The following KDM4C variants were observed in gnomAD, a reference collection of about 807,000 sequenced individuals.
KDM4C encodes lysine demethylase 4C, also known as lysine-specific demethylase 4C.
KDM4C carries 81 observed loss-of-function variants against 129.3 expected under a neutral mutation model. The ratio of observed to expected loss-of-function variants is 0.63; its 90% confidence interval spans 0.52 to 0.75. KDM4C has a LOEUF of 0.75. KDM4C is among the 30% of genes least tolerant of loss of function. The probability of loss-of-function intolerance (pLI) is 0.00; values close to 1 mark genes in which losing one functional copy is unlikely to be tolerated. For missense variants in KDM4C, 1,457 were observed against 1,304.0 expected, an observed-to-expected ratio of 1.12 and a Z score of -1.81; for synonymous variants, 573 against 456.1, an observed-to-expected ratio of 1.26 and a Z score of -3.26.
rs1390464478 is a variant in KDM4C at position 6,742,831 on chromosome 9, G to A, written c.49+21834G>A. On this transcript the variant is annotated intron_variant, in intron 1 of 17. Transcript: ENST00000536108. ...CTTGGGGAGTTTGACGCAGAAAATG[G>A]GGTCAAAAACTGCTGCCGCAAACAT... is the stretch of plus-strand genomic sequence containing the variant. 2.0e-5 allele frequency among the ~76,000 whole-genome samples: 3 copies of A among 151,878 alleles called. No homozygotes were observed. The East Asian group carries it at 5.8e-4, about 29-fold the overall frequency.
chr9:7,158,699 T>C (rs1414411205), intron 19 of KDM4C, among the ~76,000 whole-genome samples: 1 of 152,246 alleles, frequency 6.6e-6, no homozygotes, highest in Non-Finnish European at 1.5e-5. Context: ...CACTGTGGTC[T>C]GAGAGACAGT....
chr9:7,073,322 C>T (rs1833462993), intron 17 of KDM4C, among the ~76,000 whole-genome samples: 2 of 152,136 alleles, frequency 1.3e-5, no homozygotes, highest in African/African-American at 4.8e-5. Context: ...GAGATATATG[C>T]GATGTTAGCA....
chr9:7,171,518 A>G (rs1191452258), intron 21 of KDM4C, among the ~76,000 whole-genome samples: 1 of 151,952 alleles, frequency 6.6e-6, no homozygotes, highest in Non-Finnish European at 1.5e-5. Flanking sequence ...TTCAGCACCT[A>G]GAGATTTAGA....
chr9:7,050,442 C>CAAAAGAAAAA (rs749174137), intron 17 of KDM4C, among the ~76,000 whole-genome samples: 10,141 of 78,292 alleles, frequency 0.13, 773 homozygotes, highest in East Asian at 0.23. Context: ...CCCAGATTAC[C>CAAAAGAAAAA]AAAAAAAAAA....
intron 8 of KDM4C, among the ~76,000 whole-genome samples, chr9:6,958,758 C>T (rs1456706391): frequency 6.8e-6 from 1 of 146,230 alleles, no homozygotes; most frequent in Non-Finnish European, 1.5e-5. Context: ...GTTCATGGCT[C>T]ACTGCAACCT....
At chr9:6,824,059 T>C (rs1305517927) in intron 4 of KDM4C, among the ~76,000 whole-genome samples, 2 of 152,250 alleles carry the variant, frequency 1.3e-5, no homozygotes, top group Non-Finnish European at 2.9e-5. Context: ...TGACCTAGAT[T>C]TGTATACAAC....
chr9:6,781,784 A>C lies in KDM4C; in HGVS notation c.-17-11188A>C, dbSNP rs1480638824. On this transcript the variant is annotated intron_variant, in intron 1 of 21. Transcript: ENST00000381309. ...TGCGTGTCTGTGAATGACCATACAA[A>C]TGGTGATACAAATACTGATTTTGGG... 2.0e-5 allele frequency among the ~76,000 whole-genome samples: 3 copies of C among 151,908 alleles called. No individual in the cohort carries two copies. In the East Asian group the frequency reaches 5.8e-4, roughly 29 times the overall value.
At chr9:6,863,787 C>G (rs745668288) in intron 5 of KDM4C, among the ~76,000 whole-genome samples, 1 of 137,784 alleles carries the variant, frequency 7.3e-6, no homozygotes, top group Non-Finnish European at 1.5e-5. Flanking sequence ...CAGCGAGACT[C>G]CATCTCAAAA....
rs1305593432 is a variant in KDM4C at position 7,140,775 on chromosome 9, A to G, written c.2781+12539A>G. Among the ~76,000 whole-genome samples the G allele has an allele frequency of 3.0e-4, 46 of 152,224 alleles. 1 individual carries two copies. The highest frequency in any genetic ancestry group is 3.0e-3 in the Admixed American group (46 of 15,282). ...AATGGTTTTTGATCTCATGGAGTTT[A>G]CAATCTAGTGGGAGAGAGTGACATA... On this transcript the variant is annotated intron_variant, in intron 19 of 21. Transcript: ENST00000381309.
chr9:6,816,683 C>G (rs1164605031), intron 4 of KDM4C, among the ~76,000 whole-genome samples: 1 of 152,200 alleles, frequency 6.6e-6, no homozygotes, highest in Non-Finnish European at 1.5e-5. Context: ...CTCCCTAACA[C>G]TCGATATTGT....
chr9:6,776,133 A>G (rs999877259), intron 1 of KDM4C, among the ~76,000 whole-genome samples: 2 of 152,156 alleles, frequency 1.3e-5, no homozygotes, highest in African/African-American at 4.8e-5. Flanking sequence ...CTCCTGGTCT[A>G]GAATGTAGTG....
At chr9:7,129,258 G>A (rs1840358533) in intron 19 of KDM4C, among the ~76,000 whole-genome samples, 1 of 152,156 alleles carries the variant, frequency 6.6e-6, no homozygotes, top group South Asian at 2.1e-4. Flanking sequence ...CAGTTTCTAG[G>A]ATTTTGGTCT....
At chr9:6,803,924 G>A (rs1313268692) in intron 2 of KDM4C, among the ~76,000 whole-genome samples, 1 of 152,068 alleles carries the variant, frequency 6.6e-6, no homozygotes, top group Non-Finnish European at 1.5e-5. Context: ...TGGGTTCAAA[G>A]TGATTCTCCT....
chr9:6,928,464 C>T (rs1463192892), intron 8 of KDM4C, among the ~76,000 whole-genome samples: 2 of 152,182 alleles, frequency 1.3e-5, no homozygotes, highest in African/African-American at 4.8e-5. Context: ...TGGTTAGACC[C>T]TTTGTCATTC....
intron 17 of KDM4C, among the ~76,000 whole-genome samples, chr9:7,050,442 C>CAAA (rs71500910): frequency 8.9e-5 from 7 of 78,268 alleles, no homozygotes; most frequent in Middle Eastern, 7.7e-3. Context: ...CCCAGATTAC[C>CAAA]AAAAAAAAAA....
At chr9:7,071,989 C>T (rs534165854) in intron 17 of KDM4C, among the ~76,000 whole-genome samples, 1 of 152,206 alleles carries the variant, frequency 6.6e-6, no homozygotes, top group South Asian at 2.1e-4. Context: ...TTATAAAAAA[C>T]TGCAAAATTT....
At chr9:6,816,062 C>T (rs1012792927) in intron 4 of KDM4C, among the ~76,000 whole-genome samples, 1 of 152,000 alleles carries the variant, frequency 6.6e-6, no homozygotes, top group African/African-American at 2.4e-5. Context: ...ACTGTCCCCC[C>T]GCCCTCCTTT....
chr9:6,991,115 T>C (rs1320102675), intron 12 of KDM4C, among the ~76,000 whole-genome samples: 1 of 152,116 alleles, frequency 6.6e-6, no homozygotes, highest in East Asian at 1.9e-4. Context: ...CTCGCTCTGT[T>C]ATTCATGCTG....
chr9:6,808,078 AG>A (rs1830450898), intron 3 of KDM4C, among the ~76,000 whole-genome samples: 1 of 75,536 alleles, frequency 1.3e-5, no homozygotes, highest in African/African-American at 7.4e-5. Flanking sequence ...GGAAGTGAGG[AG>A]CCCCTCTGCC....
Sources: allele counts gnomAD v4.1 joint callset (sites outside exome capture counted in the v4.1 genomes callset), GRCh38; gene constraint gnomAD v4.1.1; transcripts MANE v1.5; gene names NCBI Gene and HGNC (gene_info 2026-07-23, HGNC 2026-07-21).